Variants in TARS2 observed in about 807,000 individuals in gnomAD.
TARS2 encodes threonine--tRNA ligase, mitochondrial.
A neutral mutation model predicts 94.4 loss-of-function variants in TARS2; 61 were observed. The observed-to-expected ratio is 0.65, with a 90% CI of 0.53 to 0.80. The LOEUF (loss-of-function observed/expected upper bound fraction) is 0.80. Among genes scored for constraint, TARS2 ranks in the 30% least tolerant of loss-of-function variants. The probability of loss-of-function intolerance (pLI) is 0.00; values close to 1 mark genes in which losing one functional copy is unlikely to be tolerated. For synonymous variants in TARS2, 359 were observed against 353.4 expected (o/e 1.02, Z -0.18); for missense variants, 704 against 902.5 (o/e 0.78, Z 2.82).
chr1:150,494,986 C>A (rs2102486937), intron 7 of TARS2, among the ~76,000 whole-genome samples: 1 of 151,900 alleles, frequency 6.6e-6, no homozygotes, highest in South Asian at 2.1e-4. Flanking sequence ...TCGAGACCAT[C>A]CTGGCTAACA....
At chr1:150,490,304 A>G (rs1669325710) in intron 3 of TARS2, among the ~76,000 whole-genome samples, 1 of 151,854 alleles carries the variant, frequency 6.6e-6, no homozygotes, top group Admixed American at 6.6e-5. Flanking sequence ...GTTTTAGCAG[A>G]GACAGGGTTT....
At chr1:150,491,717 C>G (rs1669392812) in intron 6 of TARS2, 55 bp downstream of exon 6, 6 of 1,546,074 alleles carry the variant, frequency 3.9e-6, no homozygotes, top group Non-Finnish European at 5.4e-6. Context: ...TTGAAGAAGG[C>G]CAGAAATGCG....
intron 13 of TARS2, among the ~76,000 whole-genome samples, chr1:150,501,947 C>G (rs1432259929): frequency 6.6e-6 from 1 of 152,102 alleles, no homozygotes; most frequent in African/African-American, 2.4e-5. Flanking sequence ...AAATTTTGCT[C>G]TGTCGCCCAG....
At chr1:150,490,228 C>T (rs1320533791) in intron 3 of TARS2, among the ~76,000 whole-genome samples, 2 of 141,414 alleles carry the variant, frequency 1.4e-5, no homozygotes, top group African/African-American at 5.3e-5. Flanking sequence ...AAGTGATTCT[C>T]CTGCCTCAGC....
intron 17 of TARS2, among the ~76,000 whole-genome samples, 184 bp from the exon 18 acceptor site, chr1:150,506,732 G>A (rs1670241575): frequency 6.6e-6 from 1 of 151,922 alleles, no homozygotes; most frequent in African/African-American, 2.4e-5. Flanking sequence ...GTCTCCTCAG[G>A]ATGAGCAGGA....
At chr1:150,490,143 G>C (rs1370406093) in intron 3 of TARS2, among the ~76,000 whole-genome samples, 13 of 98,346 alleles carry the variant, frequency 1.3e-4, no homozygotes, top group Non-Finnish European at 2.2e-4. Context: ...TTTTGAGATG[G>C]AGTCTCACTC....
At chr1:150,500,444 G>T (rs773968762) in intron 13 of TARS2, among the ~76,000 whole-genome samples, 1 of 151,894 alleles carries the variant, frequency 6.6e-6, no homozygotes. Flanking sequence ...ATAAAAATTG[G>T]CCGGGTGAGG....
chr1:150,497,391 A>G lies in TARS2; in HGVS notation c.1021-139A>G, dbSNP rs935332703. ...ATTGTGTGGTCTGCAGTCGGGGAGC[A>G]TAGAGATGGGACCTGGTATTTAATA... is the stretch of plus-strand genomic sequence containing the variant. On this transcript the variant is annotated intron_variant, in intron 9 of 17. Transcript: ENST00000369064. The G allele has an allele frequency of 3.1e-5, 22 of 702,664 alleles. No individual in the cohort carries two copies. In the East Asian group the frequency reaches 5.5e-4, roughly 17 times the overall value. The allele number at this position is 702,664 out of a possible 1,614,324, so 43.5% of individuals were successfully genotyped here.
At chr1:150,488,730 G>A in intron 2 of TARS2, 1 of 428,014 alleles carries the variant, frequency 2.3e-6, no homozygotes, top group Non-Finnish European at 4.2e-6. Context: ...ACCCAACTCT[G>A]CTATGGAACA....
intron 7 of TARS2, 96 bp from the exon 8 acceptor site, chr1:150,496,386 C>A: frequency 7.0e-7 from 1 of 1,426,464 alleles, no homozygotes; most frequent in Non-Finnish European, 9.5e-7. Flanking sequence ...AGAGGCATAC[C>A]TGTGACACTT....
At chr1:150,494,878 A>C (rs1455874303) in intron 7 of TARS2, among the ~76,000 whole-genome samples, 2 of 152,048 alleles carry the variant, frequency 1.3e-5, no homozygotes, top group African/African-American at 4.8e-5. Flanking sequence ...TCTACTAAAA[A>C]TACAAAAAAT....
intron 12 of TARS2, 66 bp downstream of exon 12, chr1:150,499,100 A>G: frequency 6.2e-7 from 1 of 1,612,654 alleles, no homozygotes; most frequent in African/African-American, 1.3e-5. Context: ...TGGAGAATAC[A>G]GTAATCAAGG....
In TARS2 at chr1:150,497,586, G is replaced by A. The variant is rs1242667005; in HGVS notation, c.1077G>A (p.Thr359=). The change falls in exon 10 of 18, where the codon ACG becomes ACA. Residue 359 remains threonine, a synonymous_variant. Coordinates refer to ENST00000369064, the MANE Select transcript of TARS2 (RefSeq NM_025150.5). ...SEVKTPTLFS[T]KLWEQSGHWE... ...TGAAAACTCCCACACTGTTTTCTAC[G>A]AAGCTCTGGGAACAGTCAGGGCACT... The A allele has an allele frequency of 8.7e-6, 14 of 1,614,054 alleles. No homozygotes were observed. Among genetic ancestry groups the A allele is most frequent in the South Asian group, 2.2e-5 (2 of 91,072 alleles).
At position 150,492,486 on chromosome 1, in the gene TARS2, A is replaced by G. The variant is rs587765665; in HGVS notation, c.771A>G (p.Leu257=). Residue 257 remains leucine, a synonymous_variant, in exon 7 of 18, where the codon CTA becomes CTG. Coordinates refer to ENST00000369064, the MANE Select transcript of TARS2 (RefSeq NM_025150.5). Reference sequence around the variant, plus strand: ...GACAGATTGGAGGACTGAAGCTGCTATCGGTCAGTTGTGGGACAGAGTTAG... The same window carrying G: ...GACAGATTGGAGGACTGAAGCTGCTGTCGGTCAGTTGTGGGACAGAGTTAG... The part of the protein sequence containing the change: ...HTGQIGGLKL[L]SNSSSLWRSS... 1.7e-5 allele frequency: 28 copies of G among 1,613,538 alleles called. No homozygotes were observed. The highest frequency in any genetic ancestry group is 1.3e-4 in the African/African-American group (10 of 74,976).
At chr1:150,487,721 G>T in intron 1 of TARS2, 137 bp from the exon 2 acceptor site, 1 of 1,310,672 alleles carries the variant, frequency 7.6e-7, no homozygotes. Context: ...CCCAGCCTAG[G>T]GTCTTGTATC....
At position 150,496,850 on chromosome 1, in the gene TARS2, G is replaced by A; in HGVS notation, c.962G>A (p.Ser321Asn). The A allele has an allele frequency of 2.5e-6, 4 of 1,614,094 alleles. No individual in the cohort carries two copies. Among genetic ancestry groups the A allele is most frequent in the Non-Finnish European group, 3.4e-6 (4 of 1,180,030 alleles). The change falls in exon 9 of 18, where the codon AGC becomes AAC. Residue 321 changes from serine to asparagine, a missense_variant. By Grantham distance (46) the Ser-to-Asn change is conservative (BLOSUM62 1). This residue lies in a region of TARS2 where 466 missense variants were observed against 609.5 expected (regional missense o/e 0.76). Transcript: ENST00000369064. ...TTCTTCCATGAACTGAGCCCTGGGA[G>A]CTGCTTCTTCCTGCCACGAGGGACA... is the stretch of plus-strand genomic sequence containing the variant. ...LFFFHELSPG[S>N]CFFLPRGTRV... is the part of the protein sequence containing the mutation.
Position 150,507,212 on chromosome 1 carries a change from T to G in TARS2, c.*148T>G. On this transcript the variant is annotated 3_prime_UTR_variant, in exon 18 of 18. Coordinates refer to ENST00000369064, the MANE Select transcript of TARS2 (RefSeq NM_025150.5). ...TGCTCTCCTGAAAAGAGACTTGGTT[T>G]GGGGACCCCACAAAAGGAGGGAAGC... The G allele has an allele frequency of 9.1e-7, 1 of 1,095,296 alleles. No homozygotes were observed. The highest frequency in any genetic ancestry group is 2.9e-5 in the Admixed American group (1 of 34,728). 67.8% of individuals were successfully genotyped at this position (1,095,296 alleles called of 1,614,324 possible).
At chr1:150,495,087 G>A (rs1262684425) in intron 7 of TARS2, among the ~76,000 whole-genome samples, 4 of 152,064 alleles carry the variant, frequency 2.6e-5, no homozygotes, top group African/African-American at 9.6e-5. Context: ...GCTGAGGCAG[G>A]AGAATGGCGT....
At chr1:150,502,194 G>C (rs1458418328) in intron 13 of TARS2, among the ~76,000 whole-genome samples, 1 of 151,458 alleles carries the variant, frequency 6.6e-6, no homozygotes, top group Non-Finnish European at 1.5e-5. Flanking sequence ...ATTATTACAG[G>C]CATGAGCCAT....
Sources: gnomAD v4.1 joint callset for allele counts (sites outside exome capture counted in the v4.1 genomes callset) on GRCh38, gnomAD v4.1.1 for gene constraint, gnomAD v4.1.1 regional missense constraint, MANE v1.5 for transcripts, NCBI Gene and HGNC (gene_info 2026-07-23, HGNC 2026-07-21) for gene names.